RPS6KA2: variants seen among roughly 807,000 people sequenced by gnomAD.
The protein encoded by RPS6KA2 is ribosomal protein S6 kinase A2.
RPS6KA2 carries 42 observed loss-of-function variants against 91.8 expected under a neutral mutation model. The observed-to-expected ratio is 0.46, with a 90% CI of 0.36 to 0.59. RPS6KA2 has a LOEUF of 0.59. RPS6KA2 is among the 20% of genes least tolerant of loss of function. The pLI is 0.00. For synonymous variants in RPS6KA2, 414 were observed against 393.6 expected, an observed-to-expected ratio of 1.05 and a Z score of -0.61; for missense variants, 798 against 978.5, an observed-to-expected ratio of 0.82 and a Z score of 2.46.
intron 2 of RPS6KA2, among the ~76,000 whole-genome samples, chr6:166,692,719 C>G (rs1331412397): frequency 1.3e-5 from 2 of 152,128 alleles, no homozygotes; most frequent in African/African-American, 4.8e-5. Context: ...GGATCAGGAA[C>G]CATCTTAAAA....
chr6:166,857,605 G>T (rs2128634337), intron 2 of RPS6KA2, among the ~76,000 whole-genome samples: 1 of 152,340 alleles, frequency 6.6e-6, no homozygotes, highest in South Asian at 2.1e-4. Flanking sequence ...GCATGAAAAT[G>T]AAGAAATGCA....
At chr6:166,538,940 CTT>C (rs377486327) in intron 1 of RPS6KA2, among the ~76,000 whole-genome samples, 156 bp from the exon 2 acceptor site, 127 of 149,006 alleles carry the variant, frequency 8.5e-4, no homozygotes, top group Middle Eastern at 3.4e-3. Flanking sequence ...GTGTTTTTTT[CTT>C]TTTTTTTTCT....
chr6:166,608,259 A>G (rs1786024778), intron 1 of RPS6KA2, among the ~76,000 whole-genome samples: 1 of 152,210 alleles, frequency 6.6e-6, no homozygotes, highest in South Asian at 2.1e-4. Context: ...AATATGGTAT[A>G]TTTTGAAACA....
intron 2 of RPS6KA2, among the ~76,000 whole-genome samples, chr6:166,704,982 T>C (rs185271741): frequency 9.2e-5 from 14 of 152,362 alleles, no homozygotes; most frequent in Non-Finnish European, 1.9e-4. Context: ...TTTCTAAGGT[T>C]TGGGTGTTCT....
intron 3 of RPS6KA2, among the ~76,000 whole-genome samples, chr6:166,527,792 A>G (rs11962191): frequency 0.2 from 29,772 of 152,066 alleles, 3,084 homozygotes; most frequent in African/African-American, 0.26. Flanking sequence ...TCATATGAGT[A>G]GAATCTTAAC....
At position 166,626,913 on chromosome 6, in the gene RPS6KA2, C is replaced by G; in HGVS notation, c.99+8G>C. ...GGCACCTGCGCGCCCCGAGGGCGGC[C>G]GCATTACCTCGAGCCGGCTCAGGCT... On this transcript the variant is annotated splice_region_variant and intron_variant, in intron 1 of 20. Coordinates refer to ENST00000265678, the MANE Select transcript of RPS6KA2 (RefSeq NM_021135.6). The surrounding 1 kb of genome is among the most constrained non-coding windows in gnomAD (Gnocchi z 4.1). 1 of 1,507,360 alleles carries G rather than the reference C, an allele frequency of 6.6e-7. No individual in the cohort carries two copies. The highest frequency in any genetic ancestry group is 8.9e-7 in the Non-Finnish European group (1 of 1,123,614). The allele number at this position is 1,507,360 out of a possible 1,614,324, so 93.4% of individuals were successfully genotyped here. A position where few individuals can be genotyped will look rare whatever the true frequency, so the allele number is the denominator to read the frequency against.
chr6:166,479,791 C>T (rs1368475431), intron 10 of RPS6KA2, among the ~76,000 whole-genome samples: 1 of 152,242 alleles, frequency 6.6e-6, no homozygotes, highest in Admixed American at 6.5e-5. Context: ...GAGCTGCTTG[C>T]CTGTGTTTGC....
At chr6:166,529,687 G>GT in intron 3 of RPS6KA2, among the ~76,000 whole-genome samples, 1 of 152,306 alleles carries the variant, frequency 6.6e-6, no homozygotes, top group Non-Finnish European at 1.5e-5. Context: ...TTTTGTGTAC[G>GT]TAAGAATTAC....
chr6:166,702,863 A>C, intron 2 of RPS6KA2: 1 of 946,102 alleles, frequency 1.1e-6, no homozygotes. Flanking sequence ...TGTTTAAAAA[A>C]AATTAATGAG....
At chr6:166,727,319 AAC>A (rs10541160) in intron 2 of RPS6KA2, among the ~76,000 whole-genome samples, 21,141 of 145,912 alleles carry the variant, frequency 0.14, 1,803 homozygotes, top group East Asian at 0.41. Context: ...TAAACAAACA[AAC>A]ACACACACAC....
chr6:166,793,493 G>C (rs956916097), intron 2 of RPS6KA2, among the ~76,000 whole-genome samples: 1 of 149,142 alleles, frequency 6.7e-6, no homozygotes, highest in Non-Finnish European at 1.5e-5. Flanking sequence ...CACAGAATTG[G>C]AAAAAACTAC....
intron 1 of RPS6KA2, among the ~76,000 whole-genome samples, chr6:166,583,811 C>G (rs945013594): frequency 6.6e-6 from 1 of 152,236 alleles, no homozygotes; most frequent in African/African-American, 2.4e-5. Flanking sequence ...AATGTGCAAA[C>G]TGGCTGGTTC....
intron 2 of RPS6KA2, among the ~76,000 whole-genome samples, chr6:166,652,580 C>T (rs1446632093): frequency 6.6e-6 from 1 of 152,110 alleles, no homozygotes; most frequent in African/African-American, 2.4e-5. Flanking sequence ...ATCTTTATGT[C>T]ACTGAAAGCC....
intron 3 of RPS6KA2, among the ~76,000 whole-genome samples, chr6:166,526,535 G>A (rs987657934): frequency 1.3e-5 from 2 of 151,834 alleles, no homozygotes; most frequent in Non-Finnish European, 2.9e-5. Context: ...TAAATTTTTC[G>A]TAGAGATGGG....
At chr6:166,786,033 C>T (rs1175754151) in intron 2 of RPS6KA2, among the ~76,000 whole-genome samples, 1 of 152,150 alleles carries the variant, frequency 6.6e-6, no homozygotes, top group Non-Finnish European at 1.5e-5. Flanking sequence ...GAAAACCATA[C>T]AATTCAGATA....
intron 1 of RPS6KA2, among the ~76,000 whole-genome samples, chr6:166,623,938 A>T (rs933851433): frequency 6.6e-6 from 1 of 152,210 alleles, no homozygotes; most frequent in African/African-American, 2.4e-5. Context: ...AAGTAACCTG[A>T]CTTCTCTGTC....
At chr6:166,538,851 T>A (rs749565804) in intron 1 of RPS6KA2, 67 bp from the exon 2 acceptor site, 1 of 810,202 alleles carries the variant, frequency 1.2e-6, no homozygotes, top group South Asian at 1.5e-5. Context: ...CACAGCTTCC[T>A]CCTCCCCTGA....
chr6:166,523,891 T>C (rs1021259229), intron 3 of RPS6KA2, among the ~76,000 whole-genome samples: 1 of 152,200 alleles, frequency 6.6e-6, no homozygotes, highest in African/African-American at 2.4e-5. Flanking sequence ...TTCAAGATGC[T>C]GTCATTGATA....
intron 2 of RPS6KA2, among the ~76,000 whole-genome samples, chr6:166,707,576 G>A (rs1789717709): frequency 6.6e-6 from 1 of 152,152 alleles, no homozygotes; most frequent in Non-Finnish European, 1.5e-5. Flanking sequence ...TGGAAGGAGT[G>A]CAGAATCAAG....
Sources: allele counts gnomAD v4.1 joint callset (sites outside exome capture counted in the v4.1 genomes callset), GRCh38; gene constraint gnomAD v4.1.1; non-coding constraint Gnocchi (gnomAD v3.1); transcripts MANE v1.5; gene names NCBI Gene and HGNC (gene_info 2026-07-23, HGNC 2026-07-21).